The following SIPA1L1 variants were observed in gnomAD, a reference collection of about 807,000 sequenced individuals.
SIPA1L1 encodes signal induced proliferation associated 1 like 1, also known as signal-induced proliferation-associated 1-like protein 1.
A neutral mutation model predicts 162.7 loss-of-function variants in SIPA1L1; 26 were observed. That is an observed-to-expected ratio of 0.16 (90% CI 0.12 to 0.22). The LOEUF is 0.22. Among genes scored for constraint, SIPA1L1 ranks in the 10% least tolerant of loss-of-function variants. The pLI, the probability that SIPA1L1 is intolerant of heterozygous loss-of-function variation, is 1.00. For missense variants in SIPA1L1, 1,874 were observed against 2,241.0 expected (o/e 0.84, Z 3.31); for synonymous variants, 829 against 837.4 (o/e 0.99, Z 0.17).
intron 17 of SIPA1L1, among the ~76,000 whole-genome samples, chr14:71,719,349 G>A (rs28385279): frequency 2.1e-3 from 327 of 152,246 alleles, no homozygotes; most frequent in African/African-American, 7.6e-3. Context: ...CAACTTAGTA[G>A]GGTCTCTGAA....
intron 13 of SIPA1L1, among the ~76,000 whole-genome samples, chr14:71,698,660 G>A (rs886639579): frequency 1.3e-5 from 2 of 152,160 alleles, no homozygotes; most frequent in African/African-American, 4.8e-5. Context: ...ATTATCTTCT[G>A]CTCTGCCATA....
At chr14:71,401,567 C>T (rs369615668) in intron 2 of SIPA1L1, among the ~76,000 whole-genome samples, 2 of 152,052 alleles carry the variant, frequency 1.3e-5, no homozygotes, top group South Asian at 4.2e-4. Context: ...ACATACCTGT[C>T]CTGAAATGTA....
At chr14:71,653,729 C>T (rs147912236) in intron 8 of SIPA1L1, among the ~76,000 whole-genome samples, 20 of 152,278 alleles carry the variant, frequency 1.3e-4, no homozygotes, top group Non-Finnish European at 2.2e-4. Flanking sequence ...CTGTATCAAG[C>T]ACTTCATTAT....
chr14:71,455,298 G>A (rs1180860817), intron 2 of SIPA1L1, among the ~76,000 whole-genome samples: 2 of 152,150 alleles, frequency 1.3e-5, no homozygotes, highest in South Asian at 2.1e-4. Flanking sequence ...CAAGTGAATG[G>A]CGAAGTGATT....
At chr14:71,592,048 T>A (rs1223930032) in intron 5 of SIPA1L1, among the ~76,000 whole-genome samples, 2 of 117,806 alleles carry the variant, frequency 1.7e-5, no homozygotes, top group South Asian at 3.6e-4. Flanking sequence ...GAGGTCCAGC[T>A]GGCAGGAACA....
rs189710683 is a variant in SIPA1L1, at chr14:71,543,979, G to A, written c.-303+14609G>A. 1.9e-3 allele frequency among the ~76,000 whole-genome samples: 280 copies of A among 146,274 alleles called. 1 individual carries two copies. The highest frequency in any genetic ancestry group is 2.7e-3 in the Non-Finnish European group (178 of 66,836). On this transcript the variant is annotated intron_variant, in intron 4 of 23. Transcript: ENST00000381232. ...CACATGTATGTATATATACACACAC[G>A]CACATGTATATATACACACACGCAC...
intron 2 of SIPA1L1, among the ~76,000 whole-genome samples, chr14:71,511,260 G>T (rs984139053): frequency 6.6e-6 from 1 of 151,960 alleles, no homozygotes; most frequent in Non-Finnish European, 1.5e-5. Flanking sequence ...GACTGATAGG[G>T]TATGACAGGA....
At chr14:71,737,149 C>T (rs771876204) in intron 22 of SIPA1L1, among the ~76,000 whole-genome samples, 2 of 152,234 alleles carry the variant, frequency 1.3e-5, no homozygotes, top group Non-Finnish European at 2.9e-5. Context: ...CATCAGCCCA[C>T]AGCCTTGCCA....
At chr14:71,623,176 T>A (rs1363964251) in intron 6 of SIPA1L1, among the ~76,000 whole-genome samples, 2 of 152,200 alleles carry the variant, frequency 1.3e-5, no homozygotes, top group Non-Finnish European at 2.9e-5. Flanking sequence ...GAGATTGCAG[T>A]GTGTCTTTCT....
intron 2 of SIPA1L1, among the ~76,000 whole-genome samples, chr14:71,508,097 C>T (rs2050822395): frequency 6.6e-6 from 1 of 152,214 alleles, no homozygotes; most frequent in Admixed American, 6.5e-5. Flanking sequence ...CATTTGGCTC[C>T]AGCCACCATT....
At chr14:71,385,474 T>G (rs1456814505) in intron 2 of SIPA1L1, among the ~76,000 whole-genome samples, 1 of 152,176 alleles carries the variant, frequency 6.6e-6, no homozygotes, top group East Asian at 1.9e-4. Flanking sequence ...TTTTGTTCCC[T>G]AATAAAACCT....
intron 2 of SIPA1L1, among the ~76,000 whole-genome samples, chr14:71,338,500 T>A (rs1455762458): frequency 6.6e-6 from 1 of 152,106 alleles, no homozygotes; most frequent in Admixed American, 6.6e-5. Context: ...CTGGACAGGG[T>A]CATTGTAAAG....
At chr14:71,547,179 C>G (rs936002113) in intron 4 of SIPA1L1, among the ~76,000 whole-genome samples, 2 of 150,502 alleles carry the variant, frequency 1.3e-5, no homozygotes, top group Non-Finnish European at 2.9e-5. Context: ...GTTAGAAACT[C>G]AAATGTTTTT....
intron 5 of SIPA1L1, among the ~76,000 whole-genome samples, chr14:71,599,188 T>G (rs568771968): frequency 4.0e-5 from 6 of 148,210 alleles, no homozygotes; most frequent in African/African-American, 1.5e-4. Flanking sequence ...TTTGCACTTG[T>G]CTCCCAGGCT....
intron 2 of SIPA1L1, among the ~76,000 whole-genome samples, chr14:71,323,422 G>T (rs1260960377): frequency 6.6e-6 from 1 of 152,176 alleles, no homozygotes; most frequent in Non-Finnish European, 1.5e-5. Flanking sequence ...GATTAATAAT[G>T]TGACTATGTG....
intron 7 of SIPA1L1, among the ~76,000 whole-genome samples, chr14:71,637,797 G>T (rs1220136528): frequency 1.3e-5 from 2 of 152,068 alleles, no homozygotes; most frequent in Non-Finnish European, 2.9e-5. Context: ...ATAGGGTTCG[G>T]TACTATCCAT....
At chr14:71,684,755 G>A (rs1300190936) in intron 12 of SIPA1L1, among the ~76,000 whole-genome samples, 1 of 152,106 alleles carries the variant, frequency 6.6e-6, no homozygotes, top group Non-Finnish European at 1.5e-5. Context: ...ATGTGCAGTG[G>A]CAGGTGTGTG....
intron 2 of SIPA1L1, among the ~76,000 whole-genome samples, chr14:71,332,710 G>A (rs1489710578): frequency 6.6e-6 from 1 of 152,124 alleles, no homozygotes; most frequent in African/African-American, 2.4e-5. Context: ...CTGGAGCTTT[G>A]AAGAGTCATA....
chr14:71,489,573 T>C (rs2049061453), intron 2 of SIPA1L1, among the ~76,000 whole-genome samples: 1 of 152,134 alleles, frequency 6.6e-6, no homozygotes, highest in Non-Finnish European at 1.5e-5. Flanking sequence ...GAGTCAGGAA[T>C]TTTTCCTCTG....
Sources: gnomAD v4.1 joint callset for allele counts (sites outside exome capture counted in the v4.1 genomes callset) on GRCh38, gnomAD v4.1.1 for gene constraint, MANE v1.5 for transcripts, NCBI Gene and HGNC (gene_info 2026-07-23, HGNC 2026-07-21) for gene names.